Variants in MCTP2 observed in about 807,000 individuals in gnomAD.
MCTP2 encodes multiple C2 and transmembrane domain containing 2, also known as multiple C2 and transmembrane domain-containing protein 2.
Under a neutral mutation model 111.6 loss-of-function variants are expected in MCTP2, and 132 were observed. The observed-to-expected ratio is 1.18, with a 90% CI of 1.03 to 1.37. The LOEUF (loss-of-function observed/expected upper bound fraction) is 1.37, where lower values mean the gene tolerates loss of function less well. Ranked by LOEUF, MCTP2 falls within the 40% of genes most tolerant of loss-of-function variation. The pLI is 0.00. For missense variants in MCTP2, 1,183 were observed against 1,067.9 expected (o/e 1.11, Z -1.50); for synonymous variants, 395 against 387.7 (o/e 1.02, Z -0.22).
At chr15:94,271,547 G>A (rs1367862409) in intron 1 of MCTP2, among the ~76,000 whole-genome samples, 1 of 152,124 alleles carries the variant, frequency 6.6e-6, no homozygotes, top group Non-Finnish European at 1.5e-5. Context: ...TGCTGTTTCT[G>A]TTAATATGGG....
Position 94,385,508 on chromosome 15 carries a change from G to A in MCTP2, c.1771G>A (p.Ala591Thr). The A allele has an allele frequency of 6.2e-7, 1 of 1,612,302 alleles. No homozygotes were observed. Among genetic ancestry groups the A allele is most frequent in the East Asian group, 2.2e-5 (1 of 44,766 alleles). ...DKPPDFLGKV[A>T]IPLLSIRDGQ... ...ACCCCCAGATTTTCTTGGAAAAGTT[G>A]CCATTCCCTTGCTGTCCGTAAGTTT... is the stretch of plus-strand genomic sequence containing the variant. The change falls in exon 14 of 23, where the codon GCC becomes ACC. Residue 591 changes from alanine to threonine, a missense_variant. Coordinates refer to ENST00000357742, the MANE Select transcript of MCTP2 (RefSeq NM_001385001.1).
rs2074674849 is a variant in MCTP2, at chr15:94,480,537, G to A, written c.*1503G>A. The A allele has an allele frequency of 6.6e-6, 1 of 152,114 alleles. No homozygotes were observed. Among genetic ancestry groups the A allele is most frequent in the African/African-American group, 2.4e-5 (1 of 41,434 alleles). The allele number at this position is 152,114 out of a possible 1,614,324, so 9.4% of individuals were successfully genotyped here. ...AAAGAGCCTTGCAGAAATTATAAAA[G>A]CTCCAGTAAATCTCGTAGTTGTACA... On this transcript the variant is annotated 3_prime_UTR_variant, in exon 23 of 23. Coordinates refer to ENST00000357742, the MANE Select transcript of MCTP2 (RefSeq NM_001385001.1).
At chr15:94,445,832 G>T (rs941491119) in intron 19 of MCTP2, among the ~76,000 whole-genome samples, 2 of 152,212 alleles carry the variant, frequency 1.3e-5, no homozygotes, top group African/African-American at 2.4e-5. Flanking sequence ...GAAGAGGAGA[G>T]AAACTTCTTT....
chr15:94,473,366 A>C (rs2152542729), intron 21 of MCTP2, among the ~76,000 whole-genome samples: 1 of 152,342 alleles, frequency 6.6e-6, no homozygotes, highest in East Asian at 1.9e-4. Flanking sequence ...CTCTATATAG[A>C]TGACATTTTG....
intron 4 of MCTP2, among the ~76,000 whole-genome samples, chr15:94,338,812 G>A (rs1406683283): frequency 1.3e-5 from 2 of 152,176 alleles, no homozygotes; most frequent in Admixed American, 6.5e-5. Context: ...GCCCCATCGT[G>A]CCATCTTTTG....
At chr15:94,438,033 A>G (rs1270509811) in intron 17 of MCTP2, among the ~76,000 whole-genome samples, 2 of 152,254 alleles carry the variant, frequency 1.3e-5, no homozygotes, top group East Asian at 1.9e-4. Flanking sequence ...AAATAGCTGT[A>G]TGAACTCAAG....
chr15:94,374,929 A>G (rs1284516266), intron 12 of MCTP2, among the ~76,000 whole-genome samples: 2 of 152,226 alleles, frequency 1.3e-5, no homozygotes, highest in East Asian at 1.9e-4. Flanking sequence ...ATAGGCTTCA[A>G]TATCCTCTCT....
intron 1 of MCTP2, among the ~76,000 whole-genome samples, chr15:94,295,154 T>G (rs1428675555): frequency 6.6e-6 from 1 of 151,976 alleles, no homozygotes; most frequent in Admixed American, 6.6e-5. Flanking sequence ...TCTGCCATGT[T>G]GGCCAGGCTG....
intron 16 of MCTP2, among the ~76,000 whole-genome samples, chr15:94,400,595 G>A (rs1484544241): frequency 1.4e-5 from 2 of 144,524 alleles, no homozygotes; most frequent in Non-Finnish European, 3.0e-5. Context: ...GGTAGGGGAA[G>A]TTTCACTTTT....
chr15:94,266,968 C>T (rs971094643), intron 1 of MCTP2, among the ~76,000 whole-genome samples: 7 of 152,240 alleles, frequency 4.6e-5, no homozygotes, highest in Admixed American at 1.3e-4. Flanking sequence ...ACTGGGCTGG[C>T]GAAGACAGGA....
At chr15:94,477,923 C>T (rs1409425920) in intron 22 of MCTP2, among the ~76,000 whole-genome samples, 1 of 152,160 alleles carries the variant, frequency 6.6e-6, no homozygotes, top group Non-Finnish European at 1.5e-5. Context: ...GTATGTCATC[C>T]TCTGCTCCCT....
intron 14 of MCTP2, 109 bp from the exon 15 acceptor site, chr15:94,398,852 C>T (rs7495471): frequency 0.59 from 376,791 of 634,326 alleles, 117,338 homozygotes; most frequent in Middle Eastern, 0.72. Context: ...GTTTGCTTCA[C>T]CTGTGATCAT....
At chr15:94,458,531 A>G (rs2084981825) in intron 20 of MCTP2, among the ~76,000 whole-genome samples, 1 of 152,224 alleles carries the variant, frequency 6.6e-6, no homozygotes, top group South Asian at 2.1e-4. Context: ...TGGGTGACAA[A>G]TGATAGATAT....
At chr15:94,245,000 G>T (rs1452996372) in intron 1 of MCTP2, among the ~76,000 whole-genome samples, 2 of 144,320 alleles carry the variant, frequency 1.4e-5, no homozygotes, top group Non-Finnish European at 3.0e-5. Context: ...GTTTATATAC[G>T]TATATGTATA....
chr15:94,401,633 A>G (rs2152475641), intron 16 of MCTP2, among the ~76,000 whole-genome samples: 1 of 152,124 alleles, frequency 6.6e-6, no homozygotes, highest in South Asian at 2.1e-4. Flanking sequence ...CTGCAGTTTC[A>G]CCAGTTCCAT....
intron 1 of MCTP2, among the ~76,000 whole-genome samples, chr15:94,258,693 G>T (rs916387086): frequency 6.6e-6 from 1 of 152,132 alleles, no homozygotes; most frequent in East Asian, 1.9e-4. Flanking sequence ...ATCTTGTCTG[G>T]TTTGCATTAT....
chr15:94,244,937 C>T (rs2071669158), intron 1 of MCTP2, among the ~76,000 whole-genome samples: 2 of 136,714 alleles, frequency 1.5e-5, no homozygotes, highest in South Asian at 4.5e-4. Context: ...TATGTATACA[C>T]ATACATATGC....
intron 1 of MCTP2, among the ~76,000 whole-genome samples, chr15:94,234,337 A>G (rs2070395211): frequency 6.6e-6 from 1 of 152,226 alleles, no homozygotes; most frequent in South Asian, 2.1e-4. Context: ...AAGAGATGAT[A>G]ATTTACTGGA....
chr15:94,303,290 G>T (rs1463192640), intron 2 of MCTP2, among the ~76,000 whole-genome samples: 3 of 151,684 alleles, frequency 2.0e-5, no homozygotes, highest in Admixed American at 2.0e-4. Flanking sequence ...GAAGAATTTG[G>T]ATTCGGATGT....
Sources: allele counts gnomAD v4.1 joint callset (sites outside exome capture counted in the v4.1 genomes callset), GRCh38; gene constraint gnomAD v4.1.1; transcripts MANE v1.5; gene names NCBI Gene and HGNC (gene_info 2026-07-23, HGNC 2026-07-21).